COPS4: variants seen among roughly 807,000 people sequenced by gnomAD.
COPS4 encodes COP9 signalosome complex subunit 4.
Under a neutral mutation model 55.1 loss-of-function variants are expected in COPS4, and 8 were observed. The observed-to-expected ratio is 0.15, with a 90% CI of 0.09 to 0.26. COPS4 has a LOEUF of 0.26. Among genes scored for constraint, COPS4 ranks in the 10% least tolerant of loss-of-function variants. The pLI is 1.00. For missense variants in COPS4, 248 were observed against 484.0 expected, an observed-to-expected ratio of 0.51 and a Z score of 4.58; for synonymous variants, 185 against 165.7, an observed-to-expected ratio of 1.12 and a Z score of -0.90.
In COPS4 at chr4:83,049,866, T is replaced by C. The variant is rs1470769246; in HGVS notation, c.307-15T>C. ...GTCAGTTGAAATAATTTGACATGTA[T>C]ACCTATTATTCCAGGTTGCTTCCAT... On this transcript the variant is annotated splice_polypyrimidine_tract_variant and intron_variant, in intron 3 of 9. Coordinates refer to ENST00000264389, the MANE Select transcript of COPS4 (RefSeq NM_016129.3). 7.1e-7 allele frequency: 1 copy of C among 1,412,964 alleles called. No individual in the cohort carries two copies. Among genetic ancestry groups the C allele is most frequent in the Non-Finnish European group, 9.8e-7 (1 of 1,020,432 alleles). The allele number at this position is 1,412,964 out of a possible 1,614,324, so 87.5% of individuals were successfully genotyped here. A position where few individuals can be genotyped will look rare whatever the true frequency, so the allele number is the denominator to read the frequency against.
intron 8 of COPS4, among the ~76,000 whole-genome samples, chr4:83,067,821 T>C (rs1231177461): frequency 6.6e-6 from 1 of 152,176 alleles, no homozygotes; most frequent in African/African-American, 2.4e-5. Context: ...GCTGAGACTA[T>C]TGGAGGTGAA....
At chr4:83,039,668 G>T (rs1398567337) in intron 1 of COPS4, among the ~76,000 whole-genome samples, 2 of 152,154 alleles carry the variant, frequency 1.3e-5, no homozygotes, top group Non-Finnish European at 2.9e-5. Context: ...GTCTTGCTCT[G>T]TTGCCCTGGC....
chr4:83,054,826 A>G (rs1477993049), intron 4 of COPS4, among the ~76,000 whole-genome samples: 1 of 152,228 alleles, frequency 6.6e-6, no homozygotes, highest in African/African-American at 2.4e-5. Flanking sequence ...GGTTTTCTAA[A>G]CGAGTTAAAG....
chr4:83,063,334 A>T, intron 7 of COPS4, 88 bp downstream of exon 7: 1 of 892,398 alleles, frequency 1.1e-6, no homozygotes, highest in Non-Finnish European at 1.6e-6. Context: ...ATCTTTTAAT[A>T]ATAATTCTAC....
intron 8 of COPS4, among the ~76,000 whole-genome samples, chr4:83,067,865 G>A (rs1731327149): frequency 6.6e-6 from 1 of 152,170 alleles, no homozygotes; most frequent in Non-Finnish European, 1.5e-5. Context: ...GTCACAATCT[G>A]TTCAGGACTG....
Position 83,066,373 on chromosome 4 carries a change from A to T in COPS4, c.887-65A>T, listed in dbSNP as rs983065589. ...TACGTGCCTAGACATTTTCAGAAAA[A>T]ATGATGCATCTTTTTAGAGTATAAA... On this transcript the variant is annotated intron_variant, in intron 7 of 9. Transcript: ENST00000264389. 39 of 761,286 alleles carry T rather than the reference A, an allele frequency of 5.1e-5. No individual in the cohort carries two copies. In the Middle Eastern group the frequency reaches 1.1e-3, roughly 22 times the overall value. The allele number at this position is 761,286 out of a possible 1,614,324, so 47.2% of individuals were successfully genotyped here. A position where few individuals can be genotyped will look rare whatever the true frequency, so the allele number is the denominator to read the frequency against.
chr4:83,042,309 C>T (rs879461172), intron 1 of COPS4, among the ~76,000 whole-genome samples: 1 of 152,078 alleles, frequency 6.6e-6, no homozygotes, highest in Non-Finnish European at 1.5e-5. Flanking sequence ...CTTAAAATGC[C>T]TAAGGACTCA....
At chr4:83,051,227 C>T (rs557252865) in intron 4 of COPS4, among the ~76,000 whole-genome samples, 1 of 151,894 alleles carries the variant, frequency 6.6e-6, no homozygotes, top group Non-Finnish European at 1.5e-5. Context: ...ATTGAGAACA[C>T]CCCCCATCCC....
chr4:83,071,912 A>G (rs1731440177), intron 9 of COPS4, among the ~76,000 whole-genome samples: 1 of 151,850 alleles, frequency 6.6e-6, no homozygotes, highest in East Asian at 1.9e-4. Context: ...GGGTTTCACC[A>G]TGTTGGCCAG....
intron 9 of COPS4, among the ~76,000 whole-genome samples, chr4:83,068,824 G>T (rs532305846): frequency 6.6e-4 from 101 of 152,150 alleles, no homozygotes; most frequent in African/African-American, 2.4e-3. Flanking sequence ...ATAAAAATTA[G>T]CCAGGTGTGG....
intron 2 of COPS4, among the ~76,000 whole-genome samples, chr4:83,047,677 C>T (rs2126129105): frequency 6.6e-6 from 1 of 152,282 alleles, no homozygotes; most frequent in South Asian, 2.1e-4. Flanking sequence ...GTTTTTGAAT[C>T]ACTTATTTTC....
At position 83,041,613 on chromosome 4, in the gene COPS4, G is replaced by A. The variant is rs577096172; in HGVS notation, c.75-4013G>A. Among the ~76,000 whole-genome samples, 43 of 151,354 alleles carry A rather than the reference G, an allele frequency of 2.8e-4. 1 individual carries two copies. Among genetic ancestry groups the A allele is most frequent in the Admixed American group, 9.2e-4 (14 of 15,172 alleles). ...TCCCGTGTAGCTGGGACTTACAGTTGTGCACCATCACACTCGGCTAATTTT... is the reference window on the plus strand; with the variant it reads ...TCCCGTGTAGCTGGGACTTACAGTTATGCACCATCACACTCGGCTAATTTT... On this transcript the variant is annotated intron_variant, in intron 1 of 9. Transcript: ENST00000264389.
intron 4 of COPS4, among the ~76,000 whole-genome samples, chr4:83,054,219 G>A (rs1406973359): frequency 6.6e-6 from 1 of 152,152 alleles, no homozygotes; most frequent in African/African-American, 2.4e-5. Context: ...GCAGGCGCCT[G>A]TAGTCCCAGC....
chr4:83,039,391 A>C (rs1375035847), intron 1 of COPS4, among the ~76,000 whole-genome samples: 1 of 152,226 alleles, frequency 6.6e-6, no homozygotes, highest in Non-Finnish European at 1.5e-5. Context: ...CAGAACTAGC[A>C]CTTCATTTCT....
intron 6 of COPS4, among the ~76,000 whole-genome samples, chr4:83,061,962 G>A (rs1731172788): frequency 6.6e-6 from 1 of 152,160 alleles, no homozygotes; most frequent in Non-Finnish European, 1.5e-5. Flanking sequence ...ATTTTTCAAG[G>A]ATCCCTAGTT....
chr4:83,062,986 A>G, intron 6 of COPS4, 90 bp from the exon 7 acceptor site: 1 of 1,147,370 alleles, frequency 8.7e-7, no homozygotes, highest in East Asian at 2.6e-5. Context: ...TTTAGTAGAC[A>G]AAAATGAGGT....
chr4:83,068,341 T>C (rs1167329895), intron 8 of COPS4, 97 bp from the exon 9 acceptor site: 1 of 763,276 alleles, frequency 1.3e-6, no homozygotes, highest in African/African-American at 1.8e-5. Context: ...TAAAGTTTAG[T>C]GATGGTAGTT....
chr4:83,071,791 A>C (rs1731437509), intron 9 of COPS4, among the ~76,000 whole-genome samples: 1 of 151,594 alleles, frequency 6.6e-6, no homozygotes, highest in African/African-American at 2.4e-5. Context: ...GGCTCACTGC[A>C]ACCTCCACCT....
intron 4 of COPS4, among the ~76,000 whole-genome samples, chr4:83,050,929 G>A (rs949576026): frequency 3.9e-4 from 60 of 152,024 alleles, no homozygotes; most frequent in African/African-American, 1.4e-3. Flanking sequence ...AGAATAAACT[G>A]TAGGCAAGCA....
Sources: allele counts gnomAD v4.1 joint callset (sites outside exome capture counted in the v4.1 genomes callset), GRCh38; gene constraint gnomAD v4.1.1; transcripts MANE v1.5; gene names NCBI Gene and HGNC (gene_info 2026-07-23, HGNC 2026-07-21).